TAFA5: variants seen among roughly 807,000 people sequenced by gnomAD.
TAFA5 encodes the protein TAFA chemokine like family member 5.
Under a neutral mutation model 15.3 loss-of-function variants are expected in TAFA5, and 6 were observed. That is an observed-to-expected ratio of 0.39 (90% CI 0.21 to 0.77). The LOEUF is 0.77. Ranked by LOEUF, TAFA5 falls within the 30% of genes least tolerant of loss-of-function variation. The pLI, the probability that TAFA5 is intolerant of heterozygous loss-of-function variation, is 0.41. For missense variants in TAFA5, 161 were observed against 193.1 expected, an observed-to-expected ratio of 0.83 and a Z score of 0.98; for synonymous variants, 103 against 80.7, an observed-to-expected ratio of 1.28 and a Z score of -1.48.
At chr22:48,626,541 C>G (rs895411003) in intron 1 of TAFA5, among the ~76,000 whole-genome samples, 1 of 152,154 alleles carries the variant, frequency 6.6e-6, no homozygotes, top group Non-Finnish European at 1.5e-5. Context: ...CGTCTGTGCT[C>G]GTATTGTTCA....
intron 2 of TAFA5, among the ~76,000 whole-genome samples, chr22:48,663,706 C>T (rs1306792209): frequency 2.6e-5 from 4 of 152,180 alleles, no homozygotes; most frequent in Non-Finnish European, 4.4e-5. Flanking sequence ...TGCGCCATTC[C>T]ACTTTGTCCC....
chr22:48,614,746 G>A (rs185247236), intron 1 of TAFA5, among the ~76,000 whole-genome samples: 108 of 152,344 alleles, frequency 7.1e-4, no homozygotes, highest in African/African-American at 2.5e-3. Context: ...AGGGTGCTGC[G>A]CGTCCTGTTG....
At chr22:48,711,829 C>T (rs1929263052) in intron 3 of TAFA5, among the ~76,000 whole-genome samples, 3 of 152,338 alleles carry the variant, frequency 2.0e-5, no homozygotes, top group East Asian at 3.9e-4. Flanking sequence ...GCGCCACCAT[C>T]GCGCCGATCC....
chr22:48,679,167 C>CCT (rs1928089413), intron 2 of TAFA5, among the ~76,000 whole-genome samples: 1 of 74,804 alleles, frequency 1.3e-5, no homozygotes, highest in Non-Finnish European at 2.5e-5. Flanking sequence ...CCCGGCTCGG[C>CCT]GTCCATCCCT....
chr22:48,641,974 G>C (rs1376947576), intron 1 of TAFA5, among the ~76,000 whole-genome samples: 2 of 152,218 alleles, frequency 1.3e-5, no homozygotes, highest in African/African-American at 4.8e-5. Flanking sequence ...AGAAAAGGCC[G>C]GCGCCGTGGG....
intron 2 of TAFA5, among the ~76,000 whole-genome samples, chr22:48,661,131 C>G (rs1487967123): frequency 6.6e-6 from 1 of 152,188 alleles, no homozygotes; most frequent in Non-Finnish European, 1.5e-5. Context: ...GGTGTGTGTC[C>G]AAATCGTCTG....
At chr22:48,554,143 G>C (rs537010451) in intron 1 of TAFA5, among the ~76,000 whole-genome samples, 25 of 152,256 alleles carry the variant, frequency 1.6e-4, no homozygotes, top group Non-Finnish European at 3.7e-4. Flanking sequence ...TGAAGGATCG[G>C]GAGGAAGAGG....
chr22:48,720,465 C>T (rs1929535989), intron 3 of TAFA5, among the ~76,000 whole-genome samples: 1 of 152,102 alleles, frequency 6.6e-6, no homozygotes, highest in Non-Finnish European at 1.5e-5. Context: ...CTGAGTCTGG[C>T]ACATCACTGG....
At chr22:48,600,585 C>T (rs1242535021) in intron 1 of TAFA5, among the ~76,000 whole-genome samples, 2 of 152,022 alleles carry the variant, frequency 1.3e-5, no homozygotes, top group Non-Finnish European at 2.9e-5. Flanking sequence ...TGTGCATCTT[C>T]GTTGGCGACA....
chr22:48,571,580 T>G lies in TAFA5; in HGVS notation c.113-75017T>G, dbSNP rs1191569537. ...GAGCCACTGTGCCTGGCCTGTTTTT[T>G]TTTTTTTTTTTTTTTTTTTTTTTTT... On this transcript the variant is annotated intron_variant, in intron 1 of 3. Transcript: ENST00000402357. 2.6e-3 allele frequency among the ~76,000 whole-genome samples: 324 copies of G among 124,806 alleles called. 2 individuals are homozygous for G. Among genetic ancestry groups the G allele is most frequent in the African/African-American group, 9.8e-3 (296 of 30,064 alleles). The allele number at this position is 124,806 out of a possible 152,430, so 81.9% of individuals were successfully genotyped here.
chr22:48,505,127 G>A (rs1920981450), intron 1 of TAFA5, among the ~76,000 whole-genome samples: 1 of 152,208 alleles, frequency 6.6e-6, no homozygotes, highest in African/African-American at 2.4e-5. Context: ...GGGGCCTCCT[G>A]GGAGATACTT....
At chr22:48,674,441 C>T (rs16999688) in intron 2 of TAFA5, among the ~76,000 whole-genome samples, 4,984 of 152,226 alleles carry the variant, frequency 0.033, 296 homozygotes, top group African/African-American at 0.11. Context: ...GCCTCTGGAA[C>T]GGGCTTTATC....
intron 2 of TAFA5, among the ~76,000 whole-genome samples, chr22:48,688,987 T>C (rs1234471430): frequency 1.8e-5 from 2 of 109,584 alleles, no homozygotes; most frequent in East Asian, 2.3e-4. Flanking sequence ...GCAAGACTTG[T>C]CTCGGAAAAA....
At chr22:48,622,230 C>A (rs1189513605) in intron 1 of TAFA5, among the ~76,000 whole-genome samples, 1 of 152,080 alleles carries the variant, frequency 6.6e-6, no homozygotes, top group African/African-American at 2.4e-5. Flanking sequence ...TTGCTCTATC[C>A]CCAAAATATT....
chr22:48,569,572 A>G (rs1170893660), intron 1 of TAFA5, among the ~76,000 whole-genome samples: 2 of 152,244 alleles, frequency 1.3e-5, no homozygotes, highest in Non-Finnish European at 1.5e-5. Context: ...GAGCAACCTC[A>G]GCGCTCCCGA....
At chr22:48,543,653 G>C (rs182853445) in intron 1 of TAFA5, 1 of 152,766 alleles carries the variant, frequency 6.5e-6, no homozygotes, top group Admixed American at 6.5e-5. Flanking sequence ...GCTCTGGCTT[G>C]CTGTGTTCTC....
At chr22:48,545,987 G>A (rs75474309) in intron 1 of TAFA5, among the ~76,000 whole-genome samples, 6,347 of 152,148 alleles carry the variant, frequency 0.042, 202 homozygotes, top group Non-Finnish European at 0.063. Context: ...CCACCCAAGG[G>A]AGCTGCTCCG....
chr22:48,713,942 A>G (rs545073245), intron 3 of TAFA5, among the ~76,000 whole-genome samples: 7 of 152,242 alleles, frequency 4.6e-5, no homozygotes, highest in Non-Finnish European at 8.8e-5. Flanking sequence ...GCTAGGACCT[A>G]CCCTGCCTCA....
intron 1 of TAFA5, among the ~76,000 whole-genome samples, chr22:48,570,550 G>A (rs759212620): frequency 5.9e-5 from 9 of 152,142 alleles, no homozygotes; most frequent in Admixed American, 1.3e-4. Context: ...TTCAACATGC[G>A]TGATGTCAGC....
Sources: gnomAD v4.1 joint callset for allele counts (sites outside exome capture counted in the v4.1 genomes callset) on GRCh38, gnomAD v4.1.1 for gene constraint, MANE v1.5 for transcripts, NCBI Gene and HGNC (gene_info 2026-07-23, HGNC 2026-07-21) for gene names.